Variants in TRPC6 observed in about 807,000 individuals in gnomAD.
TRPC6 encodes transient receptor potential cation channel subfamily C member 6.
TRPC6 carries 55 observed loss-of-function variants against 90.7 expected under a neutral mutation model. The observed-to-expected ratio is 0.61, with a 90% CI of 0.49 to 0.76. The LOEUF (loss-of-function observed/expected upper bound fraction) is 0.76. Ranked by LOEUF, TRPC6 falls within the 30% of genes least tolerant of loss-of-function variation. TRPC6 has a pLI of 0.00. For synonymous variants in TRPC6, 393 were observed against 393.0 expected, an observed-to-expected ratio of 1.00 and a Z score of 0.00; for missense variants, 989 against 1,122.7, an observed-to-expected ratio of 0.88 and a Z score of 1.70.
At chr11:101,536,852 T>C (rs1295215795) in intron 1 of TRPC6, among the ~76,000 whole-genome samples, 1 of 152,122 alleles carries the variant, frequency 6.6e-6, no homozygotes. Flanking sequence ...ATCTGAGGAA[T>C]AGATGGGAGG....
chr11:101,496,476 C>A (rs548120145), intron 2 of TRPC6, among the ~76,000 whole-genome samples: 3 of 151,998 alleles, frequency 2.0e-5, no homozygotes, highest in Non-Finnish European at 4.4e-5. Flanking sequence ...AAAAGTTAAT[C>A]GGCACTATTC....
rs1859346000 is a variant in TRPC6, at chr11:101,473,653, G to C, written c.1865C>G (p.Pro622Arg). The change falls in exon 7 of 13, where the codon CCT (proline) becomes CGT (arginine). Residue 622 changes from proline (P) to arginine (R), a missense_variant. Pro to Arg is a moderately radical substitution (Grantham distance 103). Coordinates refer to ENST00000344327, the MANE Select transcript of TRPC6 (RefSeq NM_004621.6). Reference sequence around the variant, plus strand: ...TGTTCTTCCAAGTGATATCTGCAGAGGTCCAAAGCTTTCATTTGCTGGTAA... The same window carrying C: ...TGTTCTTCCAAGTGATATCTGCAGACGTCCAAAGCTTTCATTTGCTGGTAA... ...YILPANESFGPLQISLGRTVK... is the reference protein window; with the variant it reads ...YILPANESFGRLQISLGRTVK... The C allele has an allele frequency of 6.2e-7, 1 of 1,613,554 alleles. No individual in the cohort carries two copies. The highest frequency in any genetic ancestry group is 1.3e-5 in the African/African-American group (1 of 74,848).
chr11:101,557,462 C>A (rs1311592853), intron 1 of TRPC6, among the ~76,000 whole-genome samples: 3 of 152,042 alleles, frequency 2.0e-5, no homozygotes, highest in Admixed American at 2.0e-4. Context: ...GATAAGTTGC[C>A]CACTCTTACC....
intron 1 of TRPC6, among the ~76,000 whole-genome samples, chr11:101,567,554 C>CCG (rs1861865432): frequency 6.6e-6 from 1 of 152,202 alleles, no homozygotes; most frequent in African/African-American, 2.4e-5. Flanking sequence ...TCCCTGAACC[C>CCG]CGTGTATCCT....
At chr11:101,453,243 A>C in intron 12 of TRPC6, 137 bp from the exon 13 acceptor site, 1 of 886,406 alleles carries the variant, frequency 1.1e-6, no homozygotes, top group Non-Finnish European at 1.8e-6. Flanking sequence ...ATAACTTCCT[A>C]ATTGAGCAGG....
At chr11:101,564,480 C>T (rs894169566) in intron 1 of TRPC6, among the ~76,000 whole-genome samples, 1 of 152,078 alleles carries the variant, frequency 6.6e-6, no homozygotes, top group Non-Finnish European at 1.5e-5. Context: ...CTAGTTAATG[C>T]TCCAGTACAT....
At chr11:101,526,861 C>CAAAAAAAAAAAAAAAAAAAAA (rs573864895) in intron 1 of TRPC6, among the ~76,000 whole-genome samples, 2 of 36,132 alleles carry the variant, frequency 5.5e-5, no homozygotes, top group African/African-American at 2.4e-4. Flanking sequence ...GAGACTGTCT[C>CAAAAAAAAAAAAAAAAAAAAA]AAAAAAAAAA....
intron 10 of TRPC6, among the ~76,000 whole-genome samples, chr11:101,466,500 T>C (rs1480234618): frequency 6.6e-6 from 1 of 152,194 alleles, no homozygotes; most frequent in African/African-American, 2.4e-5. Flanking sequence ...TTGTTTACAC[T>C]GTGTGGGTAA....
intron 1 of TRPC6, among the ~76,000 whole-genome samples, chr11:101,581,281 TAACA>T (rs1168924794): frequency 2.6e-5 from 4 of 152,184 alleles, no homozygotes; most frequent in African/African-American, 9.7e-5. Context: ...ACAGCCTGGG[TAACA>T]TAGTGAGAAC....
At chr11:101,509,637 A>G (rs1860354059) in intron 1 of TRPC6, among the ~76,000 whole-genome samples, 3 of 152,130 alleles carry the variant, frequency 2.0e-5, no homozygotes, top group African/African-American at 7.2e-5. Context: ...AATCATAATG[A>G]TGTATCTTAT....
intron 1 of TRPC6, among the ~76,000 whole-genome samples, chr11:101,511,036 G>A (rs920906786): frequency 1.2e-4 from 18 of 152,130 alleles, no homozygotes; most frequent in African/African-American, 3.9e-4. Flanking sequence ...AGCCGTAAGC[G>A]TAATGTAGAT....
rs112263797 is a variant in TRPC6 at position 101,465,621 on chromosome 11, G to C, written c.2484+3806C>G. ...GTATGCTTCACAAAGTTTTCGTGCTGTGTTTTTCAGCTCCATCAGGTCATA... is the reference window on the plus strand; with the variant it reads ...GTATGCTTCACAAAGTTTTCGTGCTCTGTTTTTCAGCTCCATCAGGTCATA... On this transcript the variant is annotated intron_variant, in intron 10 of 12. Coordinates refer to ENST00000344327, the MANE Select transcript of TRPC6 (RefSeq NM_004621.6). Among the ~76,000 whole-genome samples, 287 of 152,218 alleles carry C rather than the reference G, an allele frequency of 1.9e-3. 2 individuals are homozygous for C. Among genetic ancestry groups the C allele is most frequent in the African/African-American group, 6.5e-3 (271 of 41,530 alleles).
intron 11 of TRPC6, 80 bp downstream of exon 11, chr11:101,454,938 G>A: frequency 9.1e-7 from 1 of 1,103,102 alleles, no homozygotes; most frequent in Non-Finnish European, 1.3e-6. Flanking sequence ...AAAATATCCT[G>A]ATACTTTAAA....
At chr11:101,522,377 T>C (rs1591108390) in intron 1 of TRPC6, among the ~76,000 whole-genome samples, 1 of 152,290 alleles carries the variant, frequency 6.6e-6, no homozygotes, top group East Asian at 1.9e-4. Flanking sequence ...TCCACCATGA[T>C]TGTAAGTTTC....
At chr11:101,556,702 T>C (rs1218111339) in intron 1 of TRPC6, among the ~76,000 whole-genome samples, 1 of 152,164 alleles carries the variant, frequency 6.6e-6, no homozygotes, top group Non-Finnish European at 1.5e-5. Context: ...CAAACTCTTT[T>C]TAAGAAGCCA....
At chr11:101,546,050 C>CCTTT (rs1861295770) in intron 1 of TRPC6, among the ~76,000 whole-genome samples, 1 of 29,694 alleles carries the variant, frequency 3.4e-5, no homozygotes, top group African/African-American at 1.3e-4. Flanking sequence ...ATTTATAACT[C>CCTTT]TTTTTTTTTT....
chr11:101,554,421 T>A (rs1423886860), intron 1 of TRPC6, among the ~76,000 whole-genome samples: 2 of 142,550 alleles, frequency 1.4e-5, no homozygotes, highest in Non-Finnish European at 1.5e-5. Context: ...AAAAAAAAAA[T>A]TAACCTGTTA....
At chr11:101,515,448 C>T (rs987669777) in intron 1 of TRPC6, among the ~76,000 whole-genome samples, 5 of 152,178 alleles carry the variant, frequency 3.3e-5, no homozygotes, top group African/African-American at 4.8e-5. Context: ...ATATATTTCC[C>T]TTTCCCTTCT....
intron 1 of TRPC6, among the ~76,000 whole-genome samples, chr11:101,565,016 A>G (rs1367221951): frequency 2.0e-5 from 3 of 152,116 alleles, no homozygotes; most frequent in African/African-American, 7.2e-5. Context: ...GGATAGCAAC[A>G]CACAAAAGAA....
Sources: gnomAD v4.1 joint callset for allele counts (sites outside exome capture counted in the v4.1 genomes callset) on GRCh38, gnomAD v4.1.1 for gene constraint, MANE v1.5 for transcripts, NCBI Gene and HGNC (gene_info 2026-07-23, HGNC 2026-07-21) for gene names.